The following RASA2 variants were observed in gnomAD, a reference collection of about 807,000 sequenced individuals.
RASA2 encodes the protein ras GTPase-activating protein 2.
A neutral mutation model predicts 118.2 loss-of-function variants in RASA2; 155 were observed. That is an observed-to-expected ratio of 1.31 (90% CI 1.15 to 1.50). The LOEUF (loss-of-function observed/expected upper bound fraction) is 1.50. Among genes scored for constraint, RASA2 ranks in the 40% most tolerant of loss-of-function variants. The probability of loss-of-function intolerance (pLI) is 0.00; values close to 1 mark genes in which losing one functional copy is unlikely to be tolerated. For missense variants in RASA2, 1,016 were observed against 1,009.6 expected, an observed-to-expected ratio of 1.01 and a Z score of -0.09; for synonymous variants, 353 against 349.1, an observed-to-expected ratio of 1.01 and a Z score of -0.12.
intron 5 of RASA2, among the ~76,000 whole-genome samples, chr3:141,550,964 A>G (rs1189768364): frequency 1.3e-5 from 2 of 152,022 alleles, no homozygotes; most frequent in Non-Finnish European, 1.5e-5. Context: ...TTCCATTTTT[A>G]TTGTCTTCTG....
intron 2 of RASA2, among the ~76,000 whole-genome samples, chr3:141,514,979 G>A (rs2082001669): frequency 6.6e-6 from 1 of 152,088 alleles, no homozygotes; most frequent in African/African-American, 2.4e-5. Flanking sequence ...CACATCACAG[G>A]TTGGGGCAGG....
In RASA2 at chr3:141,612,349, T is replaced by G; in HGVS notation, c.*36T>G. ...ATTGGTTCAGAAGAACTGGAAAATA[T>G]TATTTTTCTTGGAGCTTTTCAATTC... On this transcript the variant is annotated 3_prime_UTR_variant, in exon 24 of 24. Coordinates refer to ENST00000286364, the MANE Select transcript of RASA2 (RefSeq NM_006506.5). The G allele has an allele frequency of 6.6e-7, 1 of 1,509,840 alleles. No individual in the cohort carries two copies. The highest frequency in any genetic ancestry group is 9.1e-7 in the Non-Finnish European group (1 of 1,104,038). The allele number at this position is 1,509,840 out of a possible 1,614,324, so 93.5% of individuals were successfully genotyped here.
chr3:141,505,828 G>A (rs543978243), intron 1 of RASA2, among the ~76,000 whole-genome samples: 4 of 152,026 alleles, frequency 2.6e-5, no homozygotes, highest in Non-Finnish European at 5.9e-5. Flanking sequence ...CATTGTGAAG[G>A]TTGAGTATCA....
intron 19 of RASA2, 77 bp from the exon 20 acceptor site, chr3:141,607,601 C>T: frequency 7.1e-7 from 1 of 1,405,996 alleles, no homozygotes; most frequent in South Asian, 1.7e-5. Flanking sequence ...GAGCTTAAAC[C>T]CTACAGAATT....
intron 1 of RASA2, among the ~76,000 whole-genome samples, chr3:141,490,276 T>C (rs2081624493): frequency 6.8e-6 from 1 of 146,232 alleles, no homozygotes; most frequent in Non-Finnish European, 1.5e-5. Flanking sequence ...CACTCCTGTG[T>C]AGCGAGTAGC....
intron 17 of RASA2, among the ~76,000 whole-genome samples, 181 bp from the exon 18 acceptor site, chr3:141,585,844 T>C (rs1210216769): frequency 6.6e-6 from 1 of 152,190 alleles, no homozygotes; most frequent in Non-Finnish European, 1.5e-5. Context: ...ATAATACTTG[T>C]CATTTGTAAA....
chr3:141,602,701 C>A (rs570434182), intron 19 of RASA2, among the ~76,000 whole-genome samples: 5 of 152,308 alleles, frequency 3.3e-5, no homozygotes, highest in Admixed American at 3.3e-4. Flanking sequence ...GGGGGCCTCA[C>A]CTGAACTTGA....
chr3:141,595,852 C>G (rs776026382), intron 19 of RASA2, among the ~76,000 whole-genome samples: 1 of 152,098 alleles, frequency 6.6e-6, no homozygotes, highest in Non-Finnish European at 1.5e-5. Flanking sequence ...TGGTCTCAAA[C>G]TCCTGGACCC....
intron 19 of RASA2, among the ~76,000 whole-genome samples, chr3:141,597,940 A>G (rs1054431190): frequency 6.6e-6 from 1 of 152,232 alleles, no homozygotes; most frequent in Non-Finnish European, 1.5e-5. Context: ...GCAACTTTAT[A>G]TCAATAAATT....
chr3:141,573,059 ATTAAC>A, intron 12 of RASA2, 83 bp from the exon 13 acceptor site: 1 of 1,159,424 alleles, frequency 8.6e-7, no homozygotes, highest in South Asian at 1.7e-5. Flanking sequence ...AATTTCTATA[ATTAAC>A]TTTTATTATC....
chr3:141,596,766 GTGTC>G (rs2083379810), intron 19 of RASA2, among the ~76,000 whole-genome samples: 2 of 152,170 alleles, frequency 1.3e-5, no homozygotes, highest in South Asian at 2.1e-4. Flanking sequence ...ACCAACTAGA[GTGTC>G]TGTAACAAAT....
At chr3:141,541,490 A>G (rs375457380) in intron 5 of RASA2, among the ~76,000 whole-genome samples, 31 of 152,214 alleles carry the variant, frequency 2.0e-4, no homozygotes, top group East Asian at 1.5e-3. Flanking sequence ...GACTCTTAAT[A>G]TATCAGTATG....
At chr3:141,589,773 G>A (rs556294964) in intron 19 of RASA2, among the ~76,000 whole-genome samples, 6 of 151,814 alleles carry the variant, frequency 4.0e-5, no homozygotes, top group Non-Finnish European at 7.4e-5. Context: ...CCTGGGAGGC[G>A]GAGGCTACAG....
chr3:141,537,845 T>C (rs2082350197), intron 4 of RASA2, among the ~76,000 whole-genome samples: 1 of 152,178 alleles, frequency 6.6e-6, no homozygotes, highest in South Asian at 2.1e-4. Context: ...TTTCCTCATT[T>C]TTTCTCTTGG....
chr3:141,503,383 A>C (rs954928328), intron 1 of RASA2, among the ~76,000 whole-genome samples: 2 of 152,224 alleles, frequency 1.3e-5, no homozygotes, highest in Admixed American at 6.5e-5. Context: ...TAAAATTTAT[A>C]TGGTAGGATT....
intron 1 of RASA2, among the ~76,000 whole-genome samples, chr3:141,498,542 A>T (rs2081734786): frequency 6.6e-6 from 1 of 152,110 alleles, no homozygotes; most frequent in South Asian, 2.1e-4. Context: ...TGTACTTTTG[A>T]GTGGTTCTTG....
intron 19 of RASA2, among the ~76,000 whole-genome samples, chr3:141,602,681 T>G (rs1230498033): frequency 6.6e-6 from 1 of 152,202 alleles, no homozygotes; most frequent in East Asian, 1.9e-4. Context: ...TAACCCTAGC[T>G]AGCTCCCTAG....
At chr3:141,573,835 A>G in intron 13 of RASA2, 109 bp from the exon 14 acceptor site, 1 of 913,086 alleles carries the variant, frequency 1.1e-6, no homozygotes, top group Non-Finnish European at 1.5e-6. Flanking sequence ...AAAAAATGTT[A>G]GATAGTGACT....
intron 9 of RASA2, among the ~76,000 whole-genome samples, chr3:141,561,723 AAG>A (rs1257433592): frequency 6.6e-6 from 1 of 152,226 alleles, no homozygotes; most frequent in African/African-American, 2.4e-5. Context: ...TGTTGATGTT[AAG>A]AGAGTAATCA....
Sources: allele counts gnomAD v4.1 joint callset (sites outside exome capture counted in the v4.1 genomes callset), GRCh38; gene constraint gnomAD v4.1.1; transcripts MANE v1.5; gene names NCBI Gene and HGNC (gene_info 2026-07-23, HGNC 2026-07-21).